SORCS3: variants seen among roughly 807,000 people sequenced by gnomAD.
The protein encoded by SORCS3 is VPS10 domain-containing receptor SorCS3.
In SORCS3, 57 loss-of-function variants were observed where a neutral mutation model predicts 146.3. The observed-to-expected ratio is 0.39, with a 90% CI of 0.31 to 0.49. The LOEUF (loss-of-function observed/expected upper bound fraction) is 0.49. SORCS3 is among the 20% of genes least tolerant of loss of function. SORCS3 has a pLI of 0.92. For missense variants in SORCS3, 1,341 were observed against 1,575.5 expected, an observed-to-expected ratio of 0.85 and a Z score of 2.52; for synonymous variants, 653 against 618.5, an observed-to-expected ratio of 1.06 and a Z score of -0.83.
At position 105,214,573 on chromosome 10, in the gene SORCS3, A is replaced by C. The variant is rs1255469917; in HGVS notation, c.2507A>C (p.Glu836Ala). 1.9e-6 allele frequency: 3 copies of C among 1,607,262 alleles called. No homozygotes were observed. Among genetic ancestry groups the C allele is most frequent in the Non-Finnish European group, 2.5e-6 (3 of 1,176,896 alleles). ...ACGACCGATGGGCGGCTGGTGGCAG[A>C]GCAGGGGCACAATGCAACTTTCATC... is the stretch of plus-strand genomic sequence containing the variant. The part of the protein sequence containing the change: ...VVTTDGRLVA[E>A]QGHNATFIIL... The change falls in exon 18 of 27, where the codon GAG becomes GCG. Residue 836 changes from glutamate to alanine, a missense_variant. Coordinates refer to ENST00000369701, the MANE Select transcript of SORCS3 (RefSeq NM_014978.3).
intron 2 of SORCS3, among the ~76,000 whole-genome samples, chr10:104,901,158 C>A (rs1249737519): frequency 6.6e-6 from 1 of 152,130 alleles, no homozygotes; most frequent in Non-Finnish European, 1.5e-5. Context: ...TTAATAATGG[C>A]CACCATTTAT....
chr10:104,942,030 G>A (rs1328110159), intron 3 of SORCS3, among the ~76,000 whole-genome samples: 1 of 152,168 alleles, frequency 6.6e-6, no homozygotes, highest in Non-Finnish European at 1.5e-5. Flanking sequence ...CCTGCTATAA[G>A]GACAGGGATT....
chr10:104,674,811 C>A (rs764508543), intron 1 of SORCS3, among the ~76,000 whole-genome samples: 1 of 152,030 alleles, frequency 6.6e-6, no homozygotes, highest in Admixed American at 6.6e-5. Flanking sequence ...TGAGATTTAA[C>A]CCTGTGGATA....
chr10:105,241,041 A>G (rs989665484), intron 20 of SORCS3, among the ~76,000 whole-genome samples: 60 of 151,884 alleles, frequency 4.0e-4, no homozygotes, highest in African/African-American at 1.4e-3. Context: ...GCTGTTTCCT[A>G]TTTTGGGCTG....
intron 4 of SORCS3, among the ~76,000 whole-genome samples, chr10:104,983,645 G>T (rs868632302): frequency 1.3e-5 from 2 of 152,006 alleles, no homozygotes; most frequent in Non-Finnish European, 2.9e-5. Flanking sequence ...CTTTATGTAC[G>T]TGCTGTTTTT....
chr10:105,077,971 G>A (rs1246444262), intron 5 of SORCS3, among the ~76,000 whole-genome samples: 2 of 152,200 alleles, frequency 1.3e-5, no homozygotes, highest in African/African-American at 2.4e-5. Flanking sequence ...CACGAGAGAA[G>A]CCGTGTTCAT....
chr10:105,101,989 C>T (rs949566783), intron 6 of SORCS3, among the ~76,000 whole-genome samples: 1 of 152,174 alleles, frequency 6.6e-6, no homozygotes, highest in African/African-American at 2.4e-5. Context: ...CAAAGCACAG[C>T]CTGGGCTCCC....
At chr10:104,808,299 G>A (rs1191076801) in intron 1 of SORCS3, among the ~76,000 whole-genome samples, 1 of 152,156 alleles carries the variant, frequency 6.6e-6, no homozygotes, top group Non-Finnish European at 1.5e-5. Context: ...CTGGACACTA[G>A]GGGCTGAGGA....
intron 4 of SORCS3, among the ~76,000 whole-genome samples, chr10:105,027,494 A>G (rs956062847): frequency 2.6e-5 from 4 of 152,072 alleles, no homozygotes; most frequent in African/African-American, 9.7e-5. Flanking sequence ...GTGGATCCTC[A>G]TTATTTGCAA....
intron 1 of SORCS3, among the ~76,000 whole-genome samples, chr10:104,703,018 A>T (rs999961885): frequency 6.6e-6 from 1 of 152,208 alleles, no homozygotes; most frequent in Admixed American, 6.5e-5. Context: ...TCAAGTGATC[A>T]AATTTGTTGA....
intron 5 of SORCS3, among the ~76,000 whole-genome samples, chr10:105,047,524 C>T (rs2055381563): frequency 6.6e-6 from 1 of 152,040 alleles, no homozygotes; most frequent in African/African-American, 2.4e-5. Context: ...AACTTCAATT[C>T]TTACCCCTTT....
chr10:104,943,781 T>G (rs2019343552), intron 3 of SORCS3, among the ~76,000 whole-genome samples: 1 of 152,172 alleles, frequency 6.6e-6, no homozygotes, highest in African/African-American at 2.4e-5. Context: ...AAAAAAAAGT[T>G]GGAGATATTA....
intron 4 of SORCS3, among the ~76,000 whole-genome samples, chr10:105,016,157 T>TATATATA (rs369013613): frequency 1.0e-4 from 6 of 57,932 alleles, no homozygotes; most frequent in African/African-American, 4.4e-4. Context: ...ATATATATAT[T>TATATATA]TTTTTTTTTT....
intron 1 of SORCS3, among the ~76,000 whole-genome samples, chr10:104,687,011 A>T (rs534900794): frequency 6.6e-6 from 1 of 151,942 alleles, no homozygotes; most frequent in Admixed American, 6.5e-5. Context: ...CCTTCCATCT[A>T]TCTATTCATC....
chr10:105,119,302 A>T (rs1013317901), intron 7 of SORCS3, among the ~76,000 whole-genome samples: 1 of 152,122 alleles, frequency 6.6e-6, no homozygotes, highest in Admixed American at 6.5e-5. Flanking sequence ...ATTTCAGAGG[A>T]TGTTGGGAAA....
chr10:104,853,727 C>T (rs2018299059), intron 2 of SORCS3, among the ~76,000 whole-genome samples: 2 of 152,204 alleles, frequency 1.3e-5, no homozygotes, highest in Non-Finnish European at 2.9e-5. Flanking sequence ...CTGGGATGAT[C>T]AGCAGCAGGG....
At chr10:105,146,959 A>G (rs928805424) in intron 8 of SORCS3, among the ~76,000 whole-genome samples, 3 of 152,132 alleles carry the variant, frequency 2.0e-5, no homozygotes, top group Admixed American at 1.3e-4. Context: ...TTGACCCAGA[A>G]CATTAAATTC....
At chr10:104,928,860 A>T (rs1248381746) in intron 3 of SORCS3, among the ~76,000 whole-genome samples, 1 of 152,226 alleles carries the variant, frequency 6.6e-6, no homozygotes, top group Non-Finnish European at 1.5e-5. Context: ...TCCTGAGAGC[A>T]GATGCAGACA....
chr10:104,906,126 G>A (rs1426054115), intron 2 of SORCS3, among the ~76,000 whole-genome samples: 1 of 152,190 alleles, frequency 6.6e-6, no homozygotes, highest in Non-Finnish European at 1.5e-5. Context: ...CTGGCTCTAT[G>A]TAATTTTAAA....
Sources: allele counts gnomAD v4.1 joint callset (sites outside exome capture counted in the v4.1 genomes callset), GRCh38; gene constraint gnomAD v4.1.1; transcripts MANE v1.5; gene names NCBI Gene and HGNC (gene_info 2026-07-23, HGNC 2026-07-21).